Variants in GLIS3 observed in about 807,000 individuals in gnomAD.
GLIS3 encodes zinc finger protein GLIS3.
A neutral mutation model predicts 78.6 loss-of-function variants in GLIS3; 53 were observed. The ratio of observed to expected loss-of-function variants is 0.67; its 90% CI spans 0.54 to 0.85. The LOEUF (loss-of-function observed/expected upper bound fraction) is 0.85, where lower values mean the gene tolerates loss of function less well. Among genes scored for constraint, GLIS3 ranks in the 40% least tolerant of loss-of-function variants. GLIS3 has a pLI of 0.00. For synonymous variants in GLIS3, 684 were observed against 509.9 expected (o/e 1.34, Z -4.60); for missense variants, 1,703 against 1,231.1 (o/e 1.38, Z -5.74).
intron 6 of GLIS3, among the ~76,000 whole-genome samples, chr9:3,926,997 C>A (rs986390906): frequency 6.6e-6 from 1 of 152,250 alleles, no homozygotes; most frequent in Non-Finnish European, 1.5e-5. Context: ...GCCTTTCCTG[C>A]CCATCTCACT....
At chr9:4,228,335 G>A (rs1296055080) in intron 2 of GLIS3, among the ~76,000 whole-genome samples, 1 of 152,094 alleles carries the variant, frequency 6.6e-6, no homozygotes, top group Non-Finnish European at 1.5e-5. Flanking sequence ...AGGAGTCGGG[G>A]CTGAGCCGGA....
At chr9:4,069,906 C>G (rs945671410) in intron 4 of GLIS3, among the ~76,000 whole-genome samples, 26 of 151,966 alleles carry the variant, frequency 1.7e-4, no homozygotes, top group African/African-American at 5.3e-4. Context: ...GAAGCGGAAG[C>G]CTGTGGATGT....
intron 2 of GLIS3, among the ~76,000 whole-genome samples, chr9:4,228,071 G>A (rs1182063100): frequency 6.6e-6 from 1 of 152,054 alleles, no homozygotes; most frequent in African/African-American, 2.4e-5. Flanking sequence ...GAACAAAAGG[G>A]AAGGGGCCAG....
At chr9:4,209,481 C>T (rs7046150) in intron 2 of GLIS3, among the ~76,000 whole-genome samples, 97,031 of 151,472 alleles carry the variant, frequency 0.64, 31,334 homozygotes, top group Middle Eastern at 0.71. Context: ...TTGCAGAAAG[C>T]TTCTCAAGAT....
chr9:4,256,561 G>C (rs933799773), intron 2 of GLIS3, among the ~76,000 whole-genome samples: 7 of 152,140 alleles, frequency 4.6e-5, no homozygotes, highest in Non-Finnish European at 8.8e-5. Flanking sequence ...TTTCTGAATG[G>C]TAAGTTGGCA....
intron 8 of GLIS3, among the ~76,000 whole-genome samples, chr9:3,864,564 A>G (rs1479977455): frequency 1.3e-5 from 2 of 152,232 alleles, no homozygotes; most frequent in Non-Finnish European, 2.9e-5. Flanking sequence ...AGCCACAACC[A>G]GAGAAGATGT....
the GLIS3 span, among the ~76,000 whole-genome samples, chr9:4,398,627 C>A: frequency 2.6e-5 from 4 of 152,002 alleles, no homozygotes; most frequent in Admixed American, 6.5e-5. Context: ...CACCCTCTTC[C>A]CCTGGCCCCA....
intron 4 of GLIS3, among the ~76,000 whole-genome samples, chr9:4,098,169 G>A (rs952668510): frequency 4.6e-5 from 7 of 152,292 alleles, no homozygotes; most frequent in African/African-American, 1.7e-4. Flanking sequence ...TGAAGCTACA[G>A]AAGAATTCAC....
intron 7 of GLIS3, among the ~76,000 whole-genome samples, chr9:3,890,346 A>C (rs1263825741): frequency 6.6e-6 from 1 of 152,182 alleles, no homozygotes; most frequent in Non-Finnish European, 1.5e-5. Flanking sequence ...CGCTTGACTT[A>C]AATTCTTCTT....
intron 2 of GLIS3, among the ~76,000 whole-genome samples, chr9:4,327,548 T>C (rs1412404847): frequency 1.3e-5 from 2 of 152,042 alleles, no homozygotes; most frequent in Non-Finnish European, 1.5e-5. Flanking sequence ...TGAATTGAAA[T>C]GAATTGGGTA....
At chr9:4,422,006 G>A in the GLIS3 span, among the ~76,000 whole-genome samples, 2 of 152,144 alleles carry the variant, frequency 1.3e-5, no homozygotes, top group African/African-American at 4.8e-5. Context: ...CAGTAAAAAA[G>A]GTCCTGTGCC....
the GLIS3 span, among the ~76,000 whole-genome samples, chr9:4,385,805 GAAAGAAA>G: frequency 1.7e-5 from 1 of 60,514 alleles, no homozygotes; most frequent in African/African-American, 7.4e-5. Context: ...AAGAAAGAAA[GAAAGAAA>G]AGAAAGAAAG....
chr9:4,269,653 A>T (rs1207532008), intron 2 of GLIS3, among the ~76,000 whole-genome samples: 2 of 152,162 alleles, frequency 1.3e-5, no homozygotes, highest in Admixed American at 1.3e-4. Context: ...AATGCATATT[A>T]TTTTATTATA....
intron 2 of GLIS3, among the ~76,000 whole-genome samples, chr9:4,281,992 G>C (rs1827600076): frequency 6.6e-6 from 1 of 152,106 alleles, no homozygotes; most frequent in Non-Finnish European, 1.5e-5. Flanking sequence ...TGTTATTTGA[G>C]TTTTCAACTG....
chr9:3,893,180 C>T (rs1822577892), intron 7 of GLIS3, among the ~76,000 whole-genome samples: 1 of 152,192 alleles, frequency 6.6e-6, no homozygotes, highest in Non-Finnish European at 1.5e-5. Context: ...ATTGCCCAGC[C>T]TCGCTACTTG....
At chr9:4,432,201 AC>A in the GLIS3 span, among the ~76,000 whole-genome samples, 11 of 151,366 alleles carry the variant, frequency 7.3e-5, no homozygotes, top group African/African-American at 2.7e-4. Context: ...AGTGCCTCGT[AC>A]AAAGGTCAGT....
the GLIS3 span, among the ~76,000 whole-genome samples, chr9:4,418,728 G>C: frequency 0.53 from 80,165 of 151,534 alleles, 23,372 homozygotes; most frequent in South Asian, 0.69. Context: ...ACATATTGGA[G>C]AAAGATGTTG....
chr9:4,010,482 T>C (rs1244767666), intron 4 of GLIS3, among the ~76,000 whole-genome samples: 1 of 152,168 alleles, frequency 6.6e-6, no homozygotes, highest in Non-Finnish European at 1.5e-5. Context: ...CTCCAGGTTA[T>C]GGTCTACCAC....
the GLIS3 span, among the ~76,000 whole-genome samples, chr9:4,471,758 G>C: frequency 6.6e-6 from 1 of 152,110 alleles, no homozygotes; most frequent in African/African-American, 2.4e-5. Flanking sequence ...TGACAAATGG[G>C]ATCTAATTAA....
Sources: allele counts gnomAD v4.1 joint callset (sites outside exome capture counted in the v4.1 genomes callset), GRCh38; gene constraint gnomAD v4.1.1; transcripts MANE v1.5; gene names NCBI Gene and HGNC (gene_info 2026-07-23, HGNC 2026-07-21).